The following DLG2 variants were observed in gnomAD, a reference collection of about 807,000 sequenced individuals.
The protein encoded by DLG2 is discs large MAGUK scaffold protein 2.
In DLG2, 45 loss-of-function variants were observed where a neutral mutation model predicts 132.5. The observed-to-expected ratio is 0.34, with a 90% CI of 0.27 to 0.44. DLG2 has a LOEUF of 0.44. DLG2 is among the 20% of genes least tolerant of loss of function. The probability of loss-of-function intolerance (pLI) is 1.00; values close to 1 mark genes in which losing one functional copy is unlikely to be tolerated. For missense variants in DLG2, 1,045 were observed against 1,196.9 expected (o/e 0.87, Z 1.87); for synonymous variants, 424 against 419.6 (o/e 1.01, Z -0.13).
At chr11:85,559,385 G>A (rs1175330161) in intron 3 of DLG2, among the ~76,000 whole-genome samples, 4 of 151,012 alleles carry the variant, frequency 2.6e-5, no homozygotes, top group African/African-American at 4.8e-5. Context: ...TCTTGACCTC[G>A]TGATCTGCCC....
At chr11:83,877,838 T>G (rs2065154878) in intron 15 of DLG2, among the ~76,000 whole-genome samples, 1 of 152,192 alleles carries the variant, frequency 6.6e-6, no homozygotes, top group African/African-American at 2.4e-5. Flanking sequence ...GAGGGATGCT[T>G]GTAGTGGATG....
At chr11:85,135,335 G>A (rs1314500826) in intron 5 of DLG2, among the ~76,000 whole-genome samples, 2 of 152,180 alleles carry the variant, frequency 1.3e-5, no homozygotes, top group Admixed American at 6.5e-5. Flanking sequence ...TCCAAGTCCA[G>A]GTCTTTGTTA....
intron 6 of DLG2, among the ~76,000 whole-genome samples, chr11:84,791,687 A>C (rs1161606098): frequency 6.6e-6 from 1 of 152,116 alleles, no homozygotes; most frequent in Non-Finnish European, 1.5e-5. Context: ...ATTTAATTTT[A>C]TTTATGGCTA....
chr11:85,351,712 T>G (rs1309996725), intron 3 of DLG2, among the ~76,000 whole-genome samples: 1 of 152,246 alleles, frequency 6.6e-6, no homozygotes, highest in East Asian at 1.9e-4. Context: ...GGATTATATT[T>G]ACTGATTTGT....
At position 85,512,943 on chromosome 11, in the gene DLG2, G is replaced by T. The variant is rs184792162; in HGVS notation, c.40+85714C>A. 3.3e-5 allele frequency among the ~76,000 whole-genome samples: 5 copies of T among 152,102 alleles called. No individual in the cohort carries two copies. In the East Asian group the frequency reaches 9.7e-4, roughly 29 times the overall value. ...ACAGCAAAAACATGGAATCAACCCA[G>T]TTGCCCATCAACAGTAAACTGGACA... is the stretch of plus-strand genomic sequence containing the variant. On this transcript the variant is annotated intron_variant, in intron 3 of 27. Transcript: ENST00000376104.
chr11:85,451,277 C>T (rs1210149140), intron 3 of DLG2, among the ~76,000 whole-genome samples: 1 of 152,154 alleles, frequency 6.6e-6, no homozygotes, highest in African/African-American at 2.4e-5. Context: ...CCTAAAAATA[C>T]ATATCTTAAA....
At chr11:84,394,064 A>T (rs1170644755) in intron 7 of DLG2, among the ~76,000 whole-genome samples, 1 of 151,978 alleles carries the variant, frequency 6.6e-6, no homozygotes, top group African/African-American at 2.4e-5. Flanking sequence ...TTTAGTAGAG[A>T]CAGGGTTTCA....
intron 3 of DLG2, among the ~76,000 whole-genome samples, chr11:85,323,345 A>T (rs927827026): frequency 1.3e-5 from 2 of 152,224 alleles, no homozygotes; most frequent in Non-Finnish European, 2.9e-5. Flanking sequence ...ACAGATAATT[A>T]CTTATTAAAT....
At chr11:84,190,008 G>A (rs1043353259) in intron 8 of DLG2, among the ~76,000 whole-genome samples, 2 of 151,872 alleles carry the variant, frequency 1.3e-5, no homozygotes, top group Non-Finnish European at 2.9e-5. Flanking sequence ...AAAAAAGCTT[G>A]GAGACTAGTG....
intron 3 of DLG2, among the ~76,000 whole-genome samples, chr11:85,481,386 G>T (rs1379130545): frequency 1.3e-5 from 2 of 152,162 alleles, no homozygotes; most frequent in Non-Finnish European, 2.9e-5. Context: ...AATAGGTAAG[G>T]AAACCAAGAG....
chr11:83,484,296 A>G (rs1266860725), intron 21 of DLG2, 68 bp from the exon 22 acceptor site: 3 of 1,140,252 alleles, frequency 2.6e-6, no homozygotes, highest in South Asian at 1.3e-5. Flanking sequence ...CATGCTGACA[A>G]AACAACTAGT....
At chr11:84,202,964 C>G (rs910259294) in intron 8 of DLG2, among the ~76,000 whole-genome samples, 6 of 152,270 alleles carry the variant, frequency 3.9e-5, no homozygotes, top group African/African-American at 1.4e-4. Flanking sequence ...CAAACAACAA[C>G]AGTTTCTCAC....
chr11:83,938,275 T>G (rs1040793758), intron 14 of DLG2, among the ~76,000 whole-genome samples: 7 of 152,190 alleles, frequency 4.6e-5, no homozygotes, highest in Admixed American at 4.6e-4. Flanking sequence ...CTCTTACCAT[T>G]TCAGAGAGAG....
intron 4 of DLG2, among the ~76,000 whole-genome samples, chr11:85,275,408 A>G (rs1026770233): frequency 1.9e-4 from 29 of 152,206 alleles, no homozygotes; most frequent in Admixed American, 1.8e-3. Context: ...TTAATCTTAT[A>G]TTACTTACTT....
At chr11:83,463,730 G>T (rs1056353191) in intron 26 of DLG2, among the ~76,000 whole-genome samples, 9 of 152,212 alleles carry the variant, frequency 5.9e-5, no homozygotes, top group African/African-American at 1.9e-4. Context: ...GGTCATGACT[G>T]CAGTGAGCCA....
chr11:84,133,317 G>A (rs1473691932), intron 9 of DLG2, among the ~76,000 whole-genome samples: 5 of 151,974 alleles, frequency 3.3e-5, no homozygotes, highest in Non-Finnish European at 7.4e-5. Flanking sequence ...TCTTATTATT[G>A]ATGTTTTTAG....
intron 6 of DLG2, among the ~76,000 whole-genome samples, chr11:85,074,381 T>A (rs2066255836): frequency 6.6e-6 from 1 of 151,838 alleles, no homozygotes; most frequent in South Asian, 2.1e-4. Context: ...AATCAGCAGG[T>A]GCTTACAATC....
At chr11:85,266,024 G>C (rs769887155) in intron 4 of DLG2, among the ~76,000 whole-genome samples, 39 of 152,198 alleles carry the variant, frequency 2.6e-4, no homozygotes, top group Non-Finnish European at 5.4e-4. Flanking sequence ...TGTCACACTG[G>C]CCCTTTGCTC....
intron 6 of DLG2, among the ~76,000 whole-genome samples, chr11:84,778,907 T>A (rs941160885): frequency 2.6e-5 from 4 of 152,194 alleles, no homozygotes; most frequent in African/African-American, 9.7e-5. Flanking sequence ...CGCCTTTCTA[T>A]TTCTCCTGTG....
Sources: gnomAD v4.1 joint callset for allele counts (sites outside exome capture counted in the v4.1 genomes callset) on GRCh38, gnomAD v4.1.1 for gene constraint, MANE v1.5 for transcripts, NCBI Gene and HGNC (gene_info 2026-07-23, HGNC 2026-07-21) for gene names.